PHF24: variants seen among roughly 807,000 people sequenced by gnomAD.
PHF24 encodes Galpha inhibitory interacting protein.
In PHF24, 25 loss-of-function variants were observed where a neutral mutation model predicts 42.6. That is an observed-to-expected ratio of 0.59 (90% CI 0.43 to 0.82). The LOEUF is 0.82. Among genes scored for constraint, PHF24 ranks in the 40% least tolerant of loss-of-function variants. The probability of loss-of-function intolerance (pLI) is 0.00; values close to 1 mark genes in which losing one functional copy is unlikely to be tolerated. For synonymous variants in PHF24, 185 were observed against 204.8 expected (o/e 0.90, Z 0.83); for missense variants, 470 against 538.1 (o/e 0.87, Z 1.25).
At chr9:34,892,931 G>A in the PHF24 span, 10 of 684,468 alleles carry the variant, frequency 1.5e-5, no homozygotes, top group East Asian at 1.6e-4. Flanking sequence ...TTTGGATTTC[G>A]GGGAGCCCAG....
At chr9:34,936,024 T>G in the PHF24 span, among the ~76,000 whole-genome samples, 999 of 148,092 alleles carry the variant, frequency 6.7e-3, 10 homozygotes, top group African/African-American at 0.024. Context: ...TCCCTCTCCC[T>G]CTCCCGCTCC....
chr9:34,709,670 GC>G, the PHF24 span: 1 of 1,614,054 alleles, frequency 6.2e-7, no homozygotes, highest in Non-Finnish European at 8.5e-7. Flanking sequence ...GAGAGCGCTT[GC>G]GGGGCAAGAA....
chr9:34,747,145 C>T, the PHF24 span, among the ~76,000 whole-genome samples: 1 of 152,176 alleles, frequency 6.6e-6, no homozygotes, highest in Non-Finnish European at 1.5e-5. Context: ...TAGTGGCACA[C>T]ACCTACAATC....
chr9:34,670,733 T>C, the PHF24 span, among the ~76,000 whole-genome samples: 260 of 152,224 alleles, frequency 1.7e-3, no homozygotes, highest in African/African-American at 6.0e-3. Flanking sequence ...GGTTCAAGAT[T>C]AGGGTCAGAG....
chr9:34,974,659 C>A (rs1390227886), intron 3 of PHF24, among the ~76,000 whole-genome samples: 1 of 152,078 alleles, frequency 6.6e-6, no homozygotes, highest in Non-Finnish European at 1.5e-5. Flanking sequence ...TTTCTCACTG[C>A]GCCCTCTTTG....
the PHF24 span, among the ~76,000 whole-genome samples, chr9:34,782,443 G>A: frequency 2.0e-5 from 3 of 152,038 alleles, no homozygotes; most frequent in South Asian, 6.2e-4. Flanking sequence ...CCCATACCCC[G>A]CTTATGAAAA....
At chr9:34,829,304 A>G in the PHF24 span, among the ~76,000 whole-genome samples, 1 of 152,132 alleles carries the variant, frequency 6.6e-6, no homozygotes, top group East Asian at 1.9e-4. Flanking sequence ...GTGGGTGGGC[A>G]GGGAATCGAG....
chr9:34,911,042 T>C, the PHF24 span, among the ~76,000 whole-genome samples: 15 of 152,282 alleles, frequency 9.9e-5, no homozygotes, highest in South Asian at 3.1e-3. Context: ...CAGACTAGTC[T>C]TGAACTCCTG....
chr9:34,959,811 C>T (rs1826526356), intron 1 of PHF24, among the ~76,000 whole-genome samples: 2 of 152,054 alleles, frequency 1.3e-5, no homozygotes, highest in Admixed American at 1.3e-4. Flanking sequence ...ATGGAGTGTC[C>T]CAAGACCACC....
chr9:34,804,870 T>G, the PHF24 span, among the ~76,000 whole-genome samples: 2 of 152,208 alleles, frequency 1.3e-5, no homozygotes, highest in Non-Finnish European at 2.9e-5. Flanking sequence ...ATCTACCACA[T>G]CTGTTTCCTC....
chr9:34,748,008 A>C, the PHF24 span, among the ~76,000 whole-genome samples: 4 of 152,232 alleles, frequency 2.6e-5, no homozygotes, highest in Non-Finnish European at 5.9e-5. Flanking sequence ...TAACTGCACA[A>C]ACATAATGTT....
At chr9:34,916,365 A>T in the PHF24 span, among the ~76,000 whole-genome samples, 1 of 152,204 alleles carries the variant, frequency 6.6e-6, no homozygotes, top group South Asian at 2.1e-4. Flanking sequence ...TAATTCATCC[A>T]AAGGGTGATG....
chr9:34,871,327 C>T, the PHF24 span, among the ~76,000 whole-genome samples: 3 of 152,164 alleles, frequency 2.0e-5, no homozygotes, highest in African/African-American at 7.2e-5. Flanking sequence ...GCTTTGTATA[C>T]TTTGGATAGC....
the PHF24 span, among the ~76,000 whole-genome samples, chr9:34,677,283 G>A: frequency 6.6e-6 from 1 of 151,486 alleles, no homozygotes; most frequent in East Asian, 1.9e-4. Context: ...CACCACCTAG[G>A]TTAGGCCAGC....
At chr9:34,915,405 G>A in the PHF24 span, among the ~76,000 whole-genome samples, 16 of 144,058 alleles carry the variant, frequency 1.1e-4, no homozygotes, top group African/African-American at 3.3e-4. Context: ...TGGCAGGTTG[G>A]CCTTTTTTTT....
At chr9:34,901,301 A>G in the PHF24 span, among the ~76,000 whole-genome samples, 1 of 152,238 alleles carries the variant, frequency 6.6e-6, no homozygotes, top group East Asian at 1.9e-4. Context: ...ATAGAAAACT[A>G]GAGACCAACA....
the PHF24 span, among the ~76,000 whole-genome samples, chr9:34,778,823 C>T: frequency 6.6e-6 from 1 of 152,112 alleles, no homozygotes; most frequent in African/African-American, 2.4e-5. Context: ...CATTCTTTCC[C>T]AGTGCACCTG....
At chr9:34,846,755 C>T in the PHF24 span, among the ~76,000 whole-genome samples, 3 of 152,120 alleles carry the variant, frequency 2.0e-5, no homozygotes, top group Non-Finnish European at 4.4e-5. Flanking sequence ...AATCTTTAAT[C>T]CATCTTGAAT....
At chr9:34,792,000 G>C in the PHF24 span, among the ~76,000 whole-genome samples, 2 of 152,168 alleles carry the variant, frequency 1.3e-5, no homozygotes, top group Admixed American at 1.3e-4. Flanking sequence ...GCACTTTTGT[G>C]TTCTTTATTT....
Sources: allele counts gnomAD v4.1 joint callset (sites outside exome capture counted in the v4.1 genomes callset), GRCh38; gene constraint gnomAD v4.1.1; transcripts MANE v1.5; gene names NCBI Gene and HGNC (gene_info 2026-07-23, HGNC 2026-07-21).